The following SOX5 variants were observed in gnomAD, a reference collection of about 807,000 sequenced individuals.
The protein encoded by SOX5 is SRY-box transcription factor 5.
Under a neutral mutation model 92.0 loss-of-function variants are expected in SOX5, and 9 were observed. That is an observed-to-expected ratio of 0.10 (90% CI 0.06 to 0.17). The LOEUF is 0.17. SOX5 is among the 10% of genes least tolerant of loss of function. The pLI, the probability that SOX5 is intolerant of heterozygous loss-of-function variation, is 1.00. For synonymous variants in SOX5, 344 were observed against 336.3 expected, an observed-to-expected ratio of 1.02 and a Z score of -0.25; for missense variants, 642 against 944.5, an observed-to-expected ratio of 0.68 and a Z score of 4.20.
At position 24,528,551 on chromosome 12, in the gene SOX5, G is replaced by A. The variant is rs376377604; in HGVS notation, c.-251+33778C>T. On this transcript the variant is annotated intron_variant, in intron 1 of 4. Coordinates refer to the SOX5 transcript ENST00000446891. ...ATGCCTCTCTAGAGTCCTTCATTTCGGAGAGAAGAGTGGATGCTACTGATA... is the reference window on the plus strand; with the variant it reads ...ATGCCTCTCTAGAGTCCTTCATTTCAGAGAGAAGAGTGGATGCTACTGATA... 5.3e-5 allele frequency among the ~76,000 whole-genome samples: 8 copies of A among 152,262 alleles called. 1 individual carries two copies. In the East Asian group the frequency reaches 1.2e-3, roughly 22 times the overall value.
chr12:23,612,362 C>T (rs1467759022), intron 8 of SOX5, among the ~76,000 whole-genome samples: 1 of 151,932 alleles, frequency 6.6e-6, no homozygotes, highest in Non-Finnish European at 1.5e-5. Flanking sequence ...TAGTTCACCC[C>T]AAGAGTTTAA....
chr12:24,213,949 A>AAT (rs199825176), intron 3 of SOX5, among the ~76,000 whole-genome samples: 54 of 150,554 alleles, frequency 3.6e-4, no homozygotes, highest in South Asian at 2.9e-3. Context: ...GATAGTTTAA[A>AAT]ATATATATAT....
At chr12:23,649,053 A>G (rs538417165) in intron 7 of SOX5, among the ~76,000 whole-genome samples, 5 of 152,282 alleles carry the variant, frequency 3.3e-5, no homozygotes, top group African/African-American at 1.2e-4. Context: ...CATTTTTTCA[A>G]GCCAAGATTA....
At chr12:23,618,995 G>A (rs2076879788) in intron 8 of SOX5, among the ~76,000 whole-genome samples, 1 of 152,052 alleles carries the variant, frequency 6.6e-6, no homozygotes, top group African/African-American at 2.4e-5. Context: ...AGAACTCAAC[G>A]CTCCCTGAAG....
chr12:23,710,344 A>C (rs1299227853), intron 6 of SOX5, among the ~76,000 whole-genome samples: 5 of 152,052 alleles, frequency 3.3e-5, no homozygotes, highest in African/African-American at 1.2e-4. Flanking sequence ...GCACCCATTA[A>C]CTTGTCATTT....
intron 1 of SOX5, among the ~76,000 whole-genome samples, chr12:23,934,682 A>G (rs1942171867): frequency 6.6e-6 from 1 of 151,226 alleles, no homozygotes; most frequent in South Asian, 2.1e-4. Context: ...TATATGGAGT[A>G]TTCTTAGAAC....
intron 7 of SOX5, among the ~76,000 whole-genome samples, chr12:23,653,697 A>G (rs2081971249): frequency 6.6e-6 from 1 of 152,118 alleles, no homozygotes; most frequent in South Asian, 2.1e-4. Context: ...CACACTGTAG[A>G]AGGAGCAAGG....
At chr12:23,789,670 GAA>G (rs576287602) in intron 3 of SOX5, among the ~76,000 whole-genome samples, 1 of 151,948 alleles carries the variant, frequency 6.6e-6, no homozygotes, top group South Asian at 2.1e-4. Flanking sequence ...AAATATCTAG[GAA>G]AGAAAATCAT....
intron 1 of SOX5, among the ~76,000 whole-genome samples, chr12:23,930,811 C>T (rs1941233393): frequency 6.6e-6 from 1 of 151,652 alleles, no homozygotes; most frequent in African/African-American, 2.4e-5. Flanking sequence ...ACCCTACAGG[C>T]CACACTCCTG....
intron 2 of SOX5, among the ~76,000 whole-genome samples, chr12:23,893,118 A>C (rs1466060292): frequency 6.6e-6 from 1 of 152,170 alleles, no homozygotes; most frequent in Non-Finnish European, 1.5e-5. Flanking sequence ...TAGGCAGTTC[A>C]TCGTTTTTTA....
intron 2 of SOX5, among the ~76,000 whole-genome samples, chr12:24,329,305 A>C (rs1178529139): frequency 2.0e-5 from 3 of 152,192 alleles, no homozygotes; most frequent in African/African-American, 7.2e-5. Context: ...AGGCCTCAGG[A>C]AACTTACAGT....
At chr12:24,095,455 ATTTAT>A in intron 4 of SOX5, among the ~76,000 whole-genome samples, 2 of 146,116 alleles carry the variant, frequency 1.4e-5, no homozygotes, top group South Asian at 4.4e-4. Flanking sequence ...TTATTTATTT[ATTTAT>A]TTAATTTTAT....
chr12:24,046,277 G>C (rs948306726), intron 4 of SOX5, among the ~76,000 whole-genome samples: 6 of 152,136 alleles, frequency 3.9e-5, no homozygotes, highest in African/African-American at 1.2e-4. Context: ...GCGAAACTTG[G>C]GGCGGGTCTA....
At chr12:24,477,887 T>C (rs1444410933) in intron 1 of SOX5, among the ~76,000 whole-genome samples, 1 of 152,110 alleles carries the variant, frequency 6.6e-6, no homozygotes, top group Non-Finnish European at 1.5e-5. Flanking sequence ...TTGAAGTCTA[T>C]TAAAACAAAA....
At chr12:23,608,293 T>C (rs1477095666) in intron 8 of SOX5, among the ~76,000 whole-genome samples, 1 of 152,054 alleles carries the variant, frequency 6.6e-6, no homozygotes, top group African/African-American at 2.4e-5. Context: ...TCCTCAGAGC[T>C]TTCCAGTCTT....
chr12:24,160,600 AG>A (rs1952657127), intron 4 of SOX5, among the ~76,000 whole-genome samples: 5 of 152,058 alleles, frequency 3.3e-5, no homozygotes, highest in African/African-American at 1.2e-4. Context: ...GGACGAAGGA[AG>A]GTTAAAGATA....
intron 3 of SOX5, among the ~76,000 whole-genome samples, chr12:23,781,740 G>T (rs2095284413): frequency 6.6e-6 from 1 of 151,772 alleles, no homozygotes. Context: ...TTCCTTGTCT[G>T]TTCTTTAGAA....
chr12:24,524,797 G>A (rs547944488), intron 1 of SOX5, among the ~76,000 whole-genome samples: 21 of 152,250 alleles, frequency 1.4e-4, no homozygotes, highest in African/African-American at 4.8e-4. Context: ...CAGAAGGATC[G>A]CTGGAGGCCA....
At chr12:24,080,038 GA>G (rs764523413) in intron 4 of SOX5, among the ~76,000 whole-genome samples, 2 of 151,880 alleles carry the variant, frequency 1.3e-5, no homozygotes, top group Non-Finnish European at 2.9e-5. Context: ...AAGGCTCACA[GA>G]GGAAACTTTG....
Sources: gnomAD v4.1 joint callset for allele counts (sites outside exome capture counted in the v4.1 genomes callset) on GRCh38, gnomAD v4.1.1 for gene constraint, MANE v1.5 for transcripts, NCBI Gene and HGNC (gene_info 2026-07-23, HGNC 2026-07-21) for gene names.